UPF2: variants seen among roughly 807,000 people sequenced by gnomAD.
UPF2 encodes UPF2 regulator of nonsense mediated mRNA decay, also known as regulator of nonsense transcripts 2.
Under a neutral mutation model 141.4 loss-of-function variants are expected in UPF2, and 17 were observed. The observed-to-expected ratio is 0.12, with a 90% CI of 0.08 to 0.18. The LOEUF is 0.18. Among genes scored for constraint, UPF2 ranks in the 10% least tolerant of loss-of-function variants. The pLI, the probability that UPF2 is intolerant of heterozygous loss-of-function variation, is 1.00. For synonymous variants in UPF2, 540 were observed against 498.0 expected, an observed-to-expected ratio of 1.08 and a Z score of -1.12; for missense variants, 1,152 against 1,515.9, an observed-to-expected ratio of 0.76 and a Z score of 3.99.
intron 2 of UPF2, among the ~76,000 whole-genome samples, chr10:12,032,186 C>A (rs1588580639): frequency 1.3e-5 from 2 of 150,972 alleles, no homozygotes; most frequent in East Asian, 4.0e-4. Flanking sequence ...CCCAGCTACT[C>A]GGGAGGCTGA....
At chr10:11,958,122 G>C (rs891064903) in intron 12 of UPF2, among the ~76,000 whole-genome samples, 10 of 152,190 alleles carry the variant, frequency 6.6e-5, no homozygotes, top group African/African-American at 2.4e-4. Context: ...GGCTGAGGCA[G>C]GAGGAGGATT....
intron 4 of UPF2, among the ~76,000 whole-genome samples, chr10:12,005,817 T>C (rs1368466011): frequency 2.6e-5 from 4 of 152,100 alleles, no homozygotes; most frequent in Non-Finnish European, 5.9e-5. Context: ...GTGATCCACC[T>C]GCCTCAGCCT....
intron 5 of UPF2, among the ~76,000 whole-genome samples, chr10:12,003,923 CAAAAAAAAAA>C (rs34191709): frequency 3.7e-5 from 3 of 81,554 alleles, no homozygotes; most frequent in South Asian, 4.7e-4. Flanking sequence ...AACTCCGCCT[CAAAAAAAAAA>C]AAAAAAAAAA....
chr10:11,984,682 C>T (rs571791167), intron 8 of UPF2, among the ~76,000 whole-genome samples: 1 of 151,488 alleles, frequency 6.6e-6, no homozygotes, highest in East Asian at 1.9e-4. Context: ...CTACTGAGTC[C>T]CCCACAAAAA....
intron 9 of UPF2, among the ~76,000 whole-genome samples, chr10:11,975,841 A>G (rs1833499328): frequency 6.6e-6 from 1 of 152,192 alleles, no homozygotes; most frequent in South Asian, 2.1e-4. Flanking sequence ...GTAAACATCA[A>G]TTCAAATGGC....
chr10:11,937,706 GCCCT>G (rs1832871850), intron 18 of UPF2, among the ~76,000 whole-genome samples: 1 of 152,050 alleles, frequency 6.6e-6, no homozygotes, highest in Non-Finnish European at 1.5e-5. Flanking sequence ...ATGCTGAAAG[GCCCT>G]CAATGTCTTA....
intron 3 of UPF2, among the ~76,000 whole-genome samples, chr10:12,025,317 G>A (rs1280671537): frequency 2.0e-5 from 3 of 152,144 alleles, no homozygotes; most frequent in African/African-American, 4.8e-5. Context: ...CTGGGAGGCC[G>A]AGGTGTGCAG....
Position 11,928,565 on chromosome 10 carries a change from C to T in UPF2, c.3809+1300G>A, listed in dbSNP as rs558813045. 49 of 167,456 alleles carry T rather than the reference C, an allele frequency of 2.9e-4. 1 individual carries two copies. The South Asian group carries it at 5.4e-3, about 18-fold the overall frequency. The allele number at this position is 167,456 out of a possible 1,614,324, so 10.4% of individuals were successfully genotyped here. ...TCTACTAAAAATACTAAAAATTAGC[C>T]GGGCCTGGTGGCGGGCGCCTGTGGT... On this transcript the variant is annotated intron_variant, in intron 21 of 21. Transcript: ENST00000357604.
At chr10:11,954,856 C>CCAGAATATA (rs1452219106) in intron 14 of UPF2, among the ~76,000 whole-genome samples, 1 of 148,064 alleles carries the variant, frequency 6.8e-6, no homozygotes, top group Non-Finnish European at 1.5e-5. Context: ...GAGATGTAAA[C>CCAGAATATA]CAGAATATAC....
chr10:11,968,114 G>T (rs893889993), intron 9 of UPF2, among the ~76,000 whole-genome samples: 5 of 152,076 alleles, frequency 3.3e-5, no homozygotes, highest in African/African-American at 1.2e-4. Context: ...CGGAGGCAGA[G>T]GTTGCAGTGA....
intron 19 of UPF2, among the ~76,000 whole-genome samples, chr10:11,933,633 C>T (rs1368716452): frequency 6.6e-6 from 1 of 152,146 alleles, no homozygotes; most frequent in Non-Finnish European, 1.5e-5. Flanking sequence ...CTTATTTTGA[C>T]CCATACAATT....
At chr10:11,945,650 G>A (rs189999873) in intron 16 of UPF2, among the ~76,000 whole-genome samples, 41 of 152,222 alleles carry the variant, frequency 2.7e-4, no homozygotes, top group African/African-American at 9.6e-4. Context: ...AGTTACAAAT[G>A]ATATAACTAT....
rs1030574674 is a variant in UPF2 at position 12,016,798 on chromosome 10, G to A, written c.1146-2614C>T. ...AGCACTTTGGGAGGCCGAGGCAGGC[G>A]GATCACCTGAGGTGAGGAGTTCAAG... On this transcript the variant is annotated intron_variant, in intron 3 of 21. Coordinates refer to ENST00000357604, the MANE Select transcript of UPF2 (RefSeq NM_015542.4). The surrounding 1 kb of genome is among the most constrained non-coding windows in gnomAD (Gnocchi z 4.1). Among the ~76,000 whole-genome samples the A allele has an allele frequency of 3.3e-5, 5 of 152,088 alleles. No individual in the cohort carries two copies. Among genetic ancestry groups the A allele is most frequent in the South Asian group, 2.1e-4 (1 of 4,826 alleles).
intron 19 of UPF2, among the ~76,000 whole-genome samples, chr10:11,934,961 C>T (rs1463829005): frequency 6.6e-6 from 1 of 151,924 alleles, no homozygotes; most frequent in African/African-American, 2.4e-5. Context: ...AAGTATATCA[C>T]TTTCATGCTG....
chr10:11,969,743 C>T (rs1423029287), intron 9 of UPF2, among the ~76,000 whole-genome samples: 2 of 152,112 alleles, frequency 1.3e-5, no homozygotes, highest in African/African-American at 4.8e-5. Context: ...CACTGTGGAC[C>T]AGTTTTGCTG....
intron 16 of UPF2, 69 bp from the exon 17 acceptor site, chr10:11,943,237 A>G: frequency 8.7e-6 from 11 of 1,266,456 alleles, no homozygotes; most frequent in Non-Finnish European, 9.0e-6. Flanking sequence ...ATGCCTTAAA[A>G]AGATTTCAAA....
chr10:12,005,546 T>C (rs757216068), intron 4 of UPF2, among the ~76,000 whole-genome samples: 2 of 152,120 alleles, frequency 1.3e-5, no homozygotes. Context: ...ATTTCCCCCT[T>C]GCTATAATAA....
At chr10:11,987,530 G>A (rs1588554581) in intron 8 of UPF2, among the ~76,000 whole-genome samples, 1 of 151,920 alleles carries the variant, frequency 6.6e-6, no homozygotes, top group Non-Finnish European at 1.5e-5. Flanking sequence ...GGCCTAGGCG[G>A]GTGGATCATT....
In UPF2 at chr10:11,931,602, C is replaced by T. The variant is rs1349128941; in HGVS notation, c.3688+39G>A. ...AATAACAATTTTGATGCTCAAAAGG[C>T]AACAAAAATTTCCACTTCTCTTATA... On this transcript the variant is annotated intron_variant, in intron 20 of 21. Transcript: ENST00000357604. This position sits in a 1 kb window ranked among gnomAD's most constrained non-coding sequence, Gnocchi z 5.9. The T allele has an allele frequency of 6.6e-7, 1 of 1,506,220 alleles. No homozygotes were observed. Among genetic ancestry groups the T allele is most frequent in the African/African-American group, 1.4e-5 (1 of 70,846 alleles). 93.3% of individuals were successfully genotyped at this position (1,506,220 alleles called of 1,614,324 possible). A position where few individuals can be genotyped will look rare whatever the true frequency, so the allele number is the denominator to read the frequency against.
Sources: gnomAD v4.1 joint callset for allele counts (sites outside exome capture counted in the v4.1 genomes callset) on GRCh38, gnomAD v4.1.1 for gene constraint, Gnocchi (gnomAD v3.1) non-coding constraint, MANE v1.5 for transcripts, NCBI Gene and HGNC (gene_info 2026-07-23, HGNC 2026-07-21) for gene names.